Variants in PCGF5 observed in about 807,000 individuals in gnomAD.
PCGF5 encodes the protein polycomb group ring finger 5, also known as polycomb group RING finger protein 5.
A neutral mutation model predicts 44.3 loss-of-function variants in PCGF5; 9 were observed. That is an observed-to-expected ratio of 0.20 (90% CI 0.12 to 0.35). The LOEUF is 0.35. PCGF5 is among the 10% of genes least tolerant of loss of function. The probability of loss-of-function intolerance (pLI) is 1.00; values close to 1 mark genes in which losing one functional copy is unlikely to be tolerated. For synonymous variants in PCGF5, 95 were observed against 102.5 expected (o/e 0.93, Z 0.44); for missense variants, 146 against 305.3 (o/e 0.48, Z 3.89).
intron 1 of PCGF5, among the ~76,000 whole-genome samples, chr10:91,195,453 CATATATATAT>C (rs1242745973): frequency 7.9e-6 from 1 of 126,112 alleles, no homozygotes; most frequent in Non-Finnish European, 1.5e-5. Flanking sequence ...TATATATATG[CATATATATAT>C]ATGCATGCAT....
At chr10:91,263,027 A>T (rs2133421107) in intron 7 of PCGF5, among the ~76,000 whole-genome samples, 1 of 152,310 alleles carries the variant, frequency 6.6e-6, no homozygotes, top group African/African-American at 2.4e-5. Context: ...ACAAAGATGG[A>T]AGGGGGAGAG....
chr10:91,188,717 C>A (rs1453437830), intron 1 of PCGF5, among the ~76,000 whole-genome samples: 3 of 152,158 alleles, frequency 2.0e-5, no homozygotes, highest in Admixed American at 1.3e-4. Context: ...CTGCCAGAGT[C>A]CTCTGTTATG....
intron 1 of PCGF5, among the ~76,000 whole-genome samples, chr10:91,196,937 A>G (rs769616501): frequency 1.3e-5 from 2 of 152,186 alleles, no homozygotes; most frequent in Non-Finnish European, 2.9e-5. Context: ...CAAGTCTCAC[A>G]GTCTGTCAAG....
chr10:91,238,634 C>CTTTTTTTTTTTTTT (rs1185934545), intron 2 of PCGF5, among the ~76,000 whole-genome samples: 1 of 47,560 alleles, frequency 2.1e-5, no homozygotes, highest in African/African-American at 1.0e-4. Flanking sequence ...TTTTTTTTGC[C>CTTTTTTTTTTTTTT]TCTTTCCCAA....
intron 8 of PCGF5, 42 bp from the exon 9 acceptor site, chr10:91,271,596 G>T: frequency 6.5e-7 from 1 of 1,532,514 alleles, no homozygotes. Flanking sequence ...TATGTGTCCA[G>T]TTGTGGATGC....
intron 1 of PCGF5, among the ~76,000 whole-genome samples, chr10:91,221,097 G>A (rs1214414906): frequency 6.6e-6 from 1 of 151,442 alleles, no homozygotes; most frequent in East Asian, 2.0e-4. Flanking sequence ...GCGCCCGCGG[G>A]GCCTGGGCCC....
chr10:91,158,190 G>T (rs1487014810), upstream of PCGF5, among the ~76,000 whole-genome samples: 1 of 152,192 alleles, frequency 6.6e-6, no homozygotes, highest in East Asian at 1.9e-4. Context: ...GGAGAGATAA[G>T]CTTCAGTTTG....
upstream of PCGF5, among the ~76,000 whole-genome samples, chr10:91,158,999 G>C (rs1177971335): frequency 1.3e-5 from 2 of 152,132 alleles, no homozygotes; most frequent in African/African-American, 4.8e-5. Context: ...GAGGACTGGT[G>C]GGGGGATCCA....
At chr10:91,225,093 C>T (rs979240489) in intron 2 of PCGF5, among the ~76,000 whole-genome samples, 2 of 151,510 alleles carry the variant, frequency 1.3e-5, no homozygotes, top group Non-Finnish European at 2.9e-5. Context: ...AGAAAATTTT[C>T]TTTGGGTCAT....
chr10:91,218,568 C>A (rs1335396150), upstream of PCGF5, among the ~76,000 whole-genome samples: 1 of 152,170 alleles, frequency 6.6e-6, no homozygotes, highest in Admixed American at 6.5e-5. Flanking sequence ...AATCTGCATA[C>A]ACATCACACA....
At chr10:91,205,129 G>A (rs564329432) in intron 1 of PCGF5, among the ~76,000 whole-genome samples, 3 of 152,124 alleles carry the variant, frequency 2.0e-5, no homozygotes, top group Non-Finnish European at 4.4e-5. Context: ...TATTTTAAAT[G>A]CATAAAATAT....
chr10:91,247,213 G>A (rs541154481), intron 3 of PCGF5, among the ~76,000 whole-genome samples: 1 of 151,754 alleles, frequency 6.6e-6, no homozygotes, highest in South Asian at 2.1e-4. Context: ...AATTTTCAGG[G>A]AGGCAGGCAG....
chr10:91,178,842 CA>C (rs1843764600), intron 1 of PCGF5, among the ~76,000 whole-genome samples: 1 of 152,060 alleles, frequency 6.6e-6, no homozygotes, highest in South Asian at 2.1e-4. Flanking sequence ...CTTTCAATGG[CA>C]AAAACTGCAA....
chr10:91,262,434 A>G (rs1845946255), intron 7 of PCGF5, among the ~76,000 whole-genome samples: 1 of 152,184 alleles, frequency 6.6e-6, no homozygotes, highest in African/African-American at 2.4e-5. Flanking sequence ...TCTCAAAAAA[A>G]GAAAAGAAAA....
intron 1 of PCGF5, among the ~76,000 whole-genome samples, chr10:91,185,474 T>C (rs979270771): frequency 4.6e-5 from 7 of 152,154 alleles, no homozygotes; most frequent in African/African-American, 1.7e-4. Context: ...CAGTGTGTCA[T>C]CCTGTGAGGT....
intron 1 of PCGF5, among the ~76,000 whole-genome samples, chr10:91,182,985 T>C (rs1263557357): frequency 6.6e-6 from 1 of 152,208 alleles, no homozygotes; most frequent in Non-Finnish European, 1.5e-5. Flanking sequence ...AAGAGACTGT[T>C]TGTTACTATT....
intron 2 of PCGF5, among the ~76,000 whole-genome samples, chr10:91,233,386 G>A (rs963903765): frequency 2.6e-5 from 4 of 152,014 alleles, no homozygotes; most frequent in East Asian, 3.9e-4. Context: ...GGTGTGCTTC[G>A]CTGCCTGTTG....
rs150123808 is a variant in PCGF5, at chr10:91,213,033, G to A, written c.-183-9656G>A. On this transcript the variant is annotated intron_variant, in intron 1 of 9. Coordinates refer to the PCGF5 transcript ENST00000614189. ...AAGTTATACTTCCTAAGCGCTGCTC[G>A]TCTGTATCTTATTCTGAATATTATA... Among the ~76,000 whole-genome samples, 322 of 152,238 alleles carry A rather than the reference G, an allele frequency of 2.1e-3. 1 individual carries two copies. Among genetic ancestry groups the A allele is most frequent in the Non-Finnish European group, 3.4e-3 (229 of 68,006 alleles).
chr10:91,228,146 T>C (rs1016084151), intron 2 of PCGF5, among the ~76,000 whole-genome samples: 15 of 152,186 alleles, frequency 9.9e-5, no homozygotes, highest in African/African-American at 3.6e-4. Context: ...TGGCCCTAGA[T>C]TAAGGGATGT....
Sources: gnomAD v4.1 joint callset for allele counts (sites outside exome capture counted in the v4.1 genomes callset) on GRCh38, gnomAD v4.1.1 for gene constraint, MANE v1.5 for transcripts, NCBI Gene and HGNC (gene_info 2026-07-23, HGNC 2026-07-21) for gene names.